The following TESK2 variants were observed in gnomAD, a reference collection of about 807,000 sequenced individuals.
The protein encoded by TESK2 is dual specificity testis-specific protein kinase 2.
A neutral mutation model predicts 57.1 loss-of-function variants in TESK2; 39 were observed. The observed-to-expected ratio is 0.68, with a 90% CI of 0.53 to 0.89. TESK2 has a LOEUF of 0.89. Ranked by LOEUF, TESK2 falls within the 40% of genes least tolerant of loss-of-function variation. The pLI, the probability that TESK2 is intolerant of heterozygous loss-of-function variation, is 0.00. For missense variants in TESK2, 646 were observed against 732.1 expected, an observed-to-expected ratio of 0.88 and a Z score of 1.36; for synonymous variants, 249 against 267.9, an observed-to-expected ratio of 0.93 and a Z score of 0.69.
intron 3 of TESK2, among the ~76,000 whole-genome samples, chr1:45,405,375 G>A (rs997490519): frequency 2.0e-5 from 3 of 151,980 alleles, no homozygotes; most frequent in African/African-American, 7.3e-5. Flanking sequence ...CATGTGTATG[G>A]TGGTTTGAAA....
intron 3 of TESK2, among the ~76,000 whole-genome samples, chr1:45,400,804 C>T (rs1345222263): frequency 2.0e-5 from 3 of 151,814 alleles, no homozygotes; most frequent in Admixed American, 1.3e-4. Context: ...GGTGAATCAC[C>T]TGAGGCCAGG....
At chr1:45,355,073 G>A (rs1011495774) in intron 5 of TESK2, among the ~76,000 whole-genome samples, 2 of 151,744 alleles carry the variant, frequency 1.3e-5, no homozygotes. Flanking sequence ...CTACTCAGGA[G>A]ACTGAGGCAC....
chr1:45,407,179 G>A (rs1033070678), intron 3 of TESK2, among the ~76,000 whole-genome samples: 1 of 152,024 alleles, frequency 6.6e-6, no homozygotes, highest in Non-Finnish European at 1.5e-5. Context: ...TTGAACTCTT[G>A]GGCTCAAGAG....
At chr1:45,426,998 T>G (rs932533627) in intron 2 of TESK2, among the ~76,000 whole-genome samples, 15 of 152,208 alleles carry the variant, frequency 9.9e-5, no homozygotes, top group African/African-American at 3.6e-4. Flanking sequence ...ATCCTAGCAC[T>G]TTTGAGAGGC....
Position 45,344,733 on chromosome 1 carries a change from C to A in TESK2, c.*107G>T. 8.8e-7 allele frequency: 1 copy of A among 1,137,422 alleles called. No homozygotes were observed. The highest frequency in any genetic ancestry group is 1.2e-6 in the Non-Finnish European group (1 of 801,684). The allele number at this position is 1,137,422 out of a possible 1,614,324, so 70.5% of individuals were successfully genotyped here. A position where few individuals can be genotyped will look rare whatever the true frequency, so the allele number is the denominator to read the frequency against. ...AGAAGTTGAGCCTGGCTTGGCCTAG[C>A]CTGCCTGCTCTGTAGGCTCCAGGGA... On this transcript the variant is annotated 3_prime_UTR_variant, in exon 11 of 11. Transcript: ENST00000372086.
chr1:45,350,593 G>A (rs974579050), intron 5 of TESK2, among the ~76,000 whole-genome samples: 4 of 152,244 alleles, frequency 2.6e-5, no homozygotes, highest in Admixed American at 2.6e-4. Flanking sequence ...CCGAACTGCC[G>A]GACTCCTAAA....
chr1:45,378,516 G>C (rs1459837500), intron 4 of TESK2, among the ~76,000 whole-genome samples: 1 of 152,194 alleles, frequency 6.6e-6, no homozygotes, highest in Admixed American at 6.5e-5. Context: ...TGTGGAAAAA[G>C]AGAAGAACCA....
At chr1:45,347,554 C>G in intron 7 of TESK2, 55 bp downstream of exon 7, 1 of 1,534,312 alleles carries the variant, frequency 6.5e-7, no homozygotes, top group Non-Finnish European at 9.0e-7. Flanking sequence ...GAGACCATCT[C>G]AAAAAAAAGA....
intron 1 of TESK2, among the ~76,000 whole-genome samples, chr1:45,471,410 A>C (rs1652755974): frequency 6.6e-6 from 1 of 151,882 alleles, no homozygotes; most frequent in Non-Finnish European, 1.5e-5. Flanking sequence ...GAGTACAATA[A>C]GATAATTTTT....
Position 45,421,761 on chromosome 1 carries a change from T to C in TESK2, c.308A>G (p.Gln103Arg). 1.2e-6 allele frequency: 2 copies of C among 1,614,154 alleles called. No homozygotes were observed. Among genetic ancestry groups the C allele is most frequent in the Admixed American group, 1.7e-5 (1 of 60,024 alleles). Residue 103 changes from glutamine (Q) to arginine (R), a missense_variant, in exon 3 of 11, where the codon CAG (glutamine) becomes CGG (arginine). By Grantham distance (43) the Gln-to-Arg change is conservative. Transcript: ENST00000372086. ...GGGATGGGAGAGTCTATTCATGAGC[T>C]GTACTTCTTTCAGCATGTTTGCCCG... ...SNRANMLKEV[Q>R]LMNRLSHPNI... is the part of the protein sequence containing the mutation.
intron 1 of TESK2, among the ~76,000 whole-genome samples, chr1:45,489,386 CA>C (rs1653624867): frequency 6.6e-6 from 1 of 152,170 alleles, no homozygotes; most frequent in African/African-American, 2.4e-5. Context: ...CTAAGGCACA[CA>C]AATATCCCCC....
intron 3 of TESK2, among the ~76,000 whole-genome samples, chr1:45,405,998 G>C (rs1489112888): frequency 6.6e-6 from 1 of 152,164 alleles, no homozygotes; most frequent in African/African-American, 2.4e-5. Context: ...CAGGGTGGGA[G>C]GACTGCTTGA....
At chr1:45,403,883 A>G (rs1381045421) in intron 3 of TESK2, among the ~76,000 whole-genome samples, 5 of 66,342 alleles carry the variant, frequency 7.5e-5, no homozygotes, top group Non-Finnish European at 1.1e-4. Context: ...CATGCAAGCG[A>G]AAAAAAAAAA....
At chr1:45,349,343 G>A (rs915640414) in intron 5 of TESK2, among the ~76,000 whole-genome samples, 1 of 152,146 alleles carries the variant, frequency 6.6e-6, no homozygotes, top group African/African-American at 2.4e-5. Context: ...GACAGTTCTT[G>A]TGCTTGTCCT....
chr1:45,450,298 G>C (rs1396694779), intron 2 of TESK2, among the ~76,000 whole-genome samples: 1 of 152,186 alleles, frequency 6.6e-6, no homozygotes, highest in East Asian at 1.9e-4. Context: ...GATCACCTGA[G>C]GTCAGGAGTT....
chr1:45,344,313 G>A lies in TESK2; in HGVS notation c.*527C>T, dbSNP rs961753812. 6.3e-6 allele frequency: 1 copy of A among 159,116 alleles called. No homozygotes were observed. The highest frequency in any genetic ancestry group is 1.4e-5 in the Non-Finnish European group (1 of 72,022). The allele number at this position is 159,116 out of a possible 1,614,324, so 9.9% of individuals were successfully genotyped here. ...TGCTGTCCCCTTGCATAGAAATGTA[G>A]TGACGTGGTCTGACCATGCAGTAAG... On this transcript the variant is annotated 3_prime_UTR_variant, in exon 11 of 11. Coordinates refer to ENST00000372086, the MANE Select transcript of TESK2 (RefSeq NM_007170.3).
At chr1:45,478,468 A>C (rs969401393) in intron 1 of TESK2, among the ~76,000 whole-genome samples, 1 of 152,252 alleles carries the variant, frequency 6.6e-6, no homozygotes, top group Admixed American at 6.5e-5. Flanking sequence ...GGCAATACAA[A>C]GTATAATACT....
At chr1:45,480,133 T>C (rs141977808) in intron 1 of TESK2, among the ~76,000 whole-genome samples, 2,179 of 151,678 alleles carry the variant, frequency 0.014, 113 homozygotes, top group East Asian at 0.1. Context: ...CAGGCTCTTC[T>C]ATCTTTTTTA....
At chr1:45,394,195 C>T (rs1013433509) in intron 3 of TESK2, among the ~76,000 whole-genome samples, 3 of 151,738 alleles carry the variant, frequency 2.0e-5, no homozygotes, top group Non-Finnish European at 2.9e-5. Flanking sequence ...GTCTGGAGTG[C>T]GGTGGCACAG....
Sources: gnomAD v4.1 joint callset for allele counts (sites outside exome capture counted in the v4.1 genomes callset) on GRCh38, gnomAD v4.1.1 for gene constraint, MANE v1.5 for transcripts, NCBI Gene and HGNC (gene_info 2026-07-23, HGNC 2026-07-21) for gene names.